The following SCAND1 variants were observed in gnomAD, a reference collection of about 807,000 sequenced individuals.
SCAND1 encodes the protein SCAN domain containing 1.
SCAND1 carries 3 observed loss-of-function variants against 3.4 expected under a neutral mutation model. The ratio of observed to expected loss-of-function variants is 0.87; its 90% CI spans 0.40 to 2.25. SCAND1 has a LOEUF of 2.25. Among genes scored for constraint, SCAND1 ranks in the 30% most tolerant of loss-of-function variants. SCAND1 has a pLI of 0.05. For synonymous variants in SCAND1, 152 were observed against 120.5 expected, an observed-to-expected ratio of 1.26 and a Z score of -1.72; for missense variants, 303 against 258.8, an observed-to-expected ratio of 1.17 and a Z score of -1.17.
At position 35,953,817 on chromosome 20, in the gene SCAND1, C is replaced by T; in HGVS notation, c.468G>A (p.Leu156=). ...QIVEMLVQEQ[L]LAILPEAARA... Reference sequence around the variant, plus strand: ...GAGCCGCCTCGGGCAGGATGGCGAGCAGCTGCTCTTGCACCAGCATCTCCA... The same window carrying T: ...GAGCCGCCTCGGGCAGGATGGCGAGTAGCTGCTCTTGCACCAGCATCTCCA... The change falls in exon 2 of 2, where the codon CTG becomes CTA. Residue 156 remains leucine, a synonymous_variant. Coordinates refer to ENST00000305978, the MANE Select transcript of SCAND1 (RefSeq NM_033630.3). 1.3e-6 allele frequency: 2 copies of T among 1,553,462 alleles called. No homozygotes were observed. The highest frequency in any genetic ancestry group is 1.7e-6 in the Non-Finnish European group (2 of 1,151,546).
chr20:35,957,585 AC>A (rs1335065676), upstream of SCAND1: 1 of 152,210 alleles, frequency 6.6e-6, no homozygotes, highest in African/African-American at 2.4e-5. Flanking sequence ...CTGAAAAAAA[AC>A]ATATAATGCC....
chr20:35,956,305 C>G (rs779485950), upstream of SCAND1, among the ~76,000 whole-genome samples: 1 of 152,116 alleles, frequency 6.6e-6, no homozygotes, highest in African/African-American at 2.4e-5. Flanking sequence ...TTTTTAGTTG[C>G]TGACATGTAA....
chr20:35,954,542 G>A (rs545354984), upstream of SCAND1: 1 of 1,504,716 alleles, frequency 6.6e-7, no homozygotes, highest in South Asian at 1.2e-5. Context: ...CCGCTTGCGG[G>A]CTCCCGGAAG....
At chr20:35,956,134 G>T (rs2056254516), upstream of SCAND1, among the ~76,000 whole-genome samples, 1 of 152,236 alleles carries the variant, frequency 6.6e-6, no homozygotes, top group Non-Finnish European at 1.5e-5. Flanking sequence ...GCCCGTGCAG[G>T]ATGGAGGAGC....
upstream of SCAND1, among the ~76,000 whole-genome samples, chr20:35,956,527 G>A (rs1480503309): frequency 6.6e-6 from 1 of 152,122 alleles, no homozygotes; most frequent in East Asian, 1.9e-4. Flanking sequence ...TGCATTTACT[G>A]TTGCTCTCAG....
At chr20:35,954,834 G>A (rs1265073770), upstream of SCAND1, 2 of 322,428 alleles carry the variant, frequency 6.2e-6, no homozygotes, top group Non-Finnish European at 1.3e-5. Flanking sequence ...GGAATGATTA[G>A]GGTGACGGCT....
intron 1 of SCAND1, 48 bp downstream of exon 1, chr20:35,954,400 C>T (rs2056223787): frequency 1.3e-6 from 2 of 1,559,020 alleles, no homozygotes; most frequent in Middle Eastern, 1.7e-4. Flanking sequence ...CTCGCGTCAC[C>T]CTTGAGGGAG....
upstream of SCAND1, among the ~76,000 whole-genome samples, chr20:35,956,081 G>A (rs1005378166): frequency 6.6e-6 from 1 of 152,254 alleles, no homozygotes; most frequent in East Asian, 1.9e-4. Flanking sequence ...AAAGGACAGG[G>A]GCCTCATATG....
chr20:35,954,567 G>T (rs2056229451), upstream of SCAND1: 1 of 1,470,550 alleles, frequency 6.8e-7, no homozygotes, highest in Non-Finnish European at 9.1e-7. Context: ...GCCCTCTAGC[G>T]TTCTCGAGTC....
upstream of SCAND1, among the ~76,000 whole-genome samples, chr20:35,957,033 AG>A (rs2056263223): frequency 6.6e-6 from 1 of 152,198 alleles, no homozygotes; most frequent in Non-Finnish European, 1.5e-5. Context: ...TTCTTGTGAA[AG>A]GGAATGAACT....
upstream of SCAND1, chr20:35,954,765 G>A (rs1600995465): frequency 2.7e-5 from 14 of 518,004 alleles, no homozygotes; most frequent in South Asian, 2.4e-4. Context: ...TGACCTTTGC[G>A]TGCGGGCGCC....
rs924415362 is a variant in SCAND1, at chr20:35,953,736, C to T, written c.*9G>A. On this transcript the variant is annotated 3_prime_UTR_variant, in exon 2 of 2. Coordinates refer to ENST00000305978, the MANE Select transcript of SCAND1 (RefSeq NM_033630.3). ...AGCGCCCGGCCCTGGCCGCCCGCAG[C>T]TCCACCGCTCAGCCAGTGATGCGCA... The T allele has an allele frequency of 2.8e-6, 4 of 1,423,146 alleles. No homozygotes were observed. In the African/African-American group the frequency reaches 4.5e-5, roughly 16 times the overall value. The allele number at this position is 1,423,146 out of a possible 1,614,324, so 88.2% of individuals were successfully genotyped here.
chr20:35,958,146 T>C (rs1841485292), upstream of SCAND1, among the ~76,000 whole-genome samples: 1 of 152,184 alleles, frequency 6.6e-6, no homozygotes, highest in Non-Finnish European at 1.5e-5. Context: ...AAAAAGCTTT[T>C]CATTGGCCAA....
upstream of SCAND1, among the ~76,000 whole-genome samples, chr20:35,955,909 T>C (rs1466732716): frequency 2.6e-5 from 4 of 152,180 alleles, no homozygotes; most frequent in Admixed American, 1.3e-4. Flanking sequence ...TTGGTACAGA[T>C]GGAGTTTCAC....
chr20:35,958,220 C>T (rs907883956), upstream of SCAND1, among the ~76,000 whole-genome samples: 1 of 152,172 alleles, frequency 6.6e-6, no homozygotes, highest in Admixed American at 6.6e-5. Context: ...ATCACGAGTT[C>T]AGGAGTTTGA....
chr20:35,954,123 G>A lies in SCAND1; in HGVS notation c.162C>T (p.Asn54=), dbSNP rs553959427. Residue 54 remains asparagine (N), a synonymous_variant, in exon 2 of 2, where the codon AAC becomes AAT. Transcript: ENST00000305978. ...TAGGGATGGCTTCAGGGACCGCGGC[G>A]TTGGGACTGGAAGGCTCAGGGGCAG... ...SPPAPEPSSP[N]AAVPEAIPTP... is the part of the protein sequence containing the mutation. 8.1e-5 allele frequency: 125 copies of A among 1,552,530 alleles called. No individual in the cohort carries two copies. In the South Asian group the frequency reaches 8.9e-4, roughly 11 times the overall value.
chr20:35,953,769 G>T lies in SCAND1; in HGVS notation c.516C>A (p.Arg172=). ...CTCAGCCAGTGATGCGCACATCCGTGCGGCGGCGGATCCGCCGGGCCCGAG... is the reference window on the plus strand; with the variant it reads ...CTCAGCCAGTGATGCGCACATCCGTTCGGCGGCGGATCCGCCGGGCCCGAG... ...EAARARRIRR[R]TDVRITG Residue 172 remains arginine, a synonymous_variant, in exon 2 of 2, where the codon CGC becomes CGA. Transcript: ENST00000305978. 1 of 1,483,124 alleles carries T rather than the reference G, an allele frequency of 6.7e-7. No homozygotes were observed. 91.9% of individuals were successfully genotyped at this position (1,483,124 alleles called of 1,614,324 possible). A position where few individuals can be genotyped will look rare whatever the true frequency, so the allele number is the denominator to read the frequency against.
In SCAND1 at chr20:35,953,787, G is replaced by T. The variant is rs746550654; in HGVS notation, c.498C>A (p.Ala166=). The T allele has an allele frequency of 2.7e-6, 4 of 1,508,442 alleles. No individual in the cohort carries two copies. Among genetic ancestry groups the T allele is most frequent in the Non-Finnish European group, 2.7e-6 (3 of 1,130,786 alleles). The allele number at this position is 1,508,442 out of a possible 1,614,324, so 93.4% of individuals were successfully genotyped here. ...LLAILPEAAR[A]RRIRRRTDVR... ...CATCCGTGCGGCGGCGGATCCGCCG[G>T]GCCCGAGCCGCCTCGGGCAGGATGG... The change falls in exon 2 of 2, where the codon GCC becomes GCA. Residue 166 remains alanine, a synonymous_variant. Coordinates refer to ENST00000305978, the MANE Select transcript of SCAND1 (RefSeq NM_033630.3).
upstream of SCAND1, among the ~76,000 whole-genome samples, chr20:35,956,016 G>A (rs778253353): frequency 9.2e-5 from 14 of 152,116 alleles, no homozygotes; most frequent in Non-Finnish European, 2.1e-4. Context: ...CCACCGTGCC[G>A]GGCCACAAAT....
Sources: gnomAD v4.1 joint callset for allele counts (sites outside exome capture counted in the v4.1 genomes callset) on GRCh38, gnomAD v4.1.1 for gene constraint, MANE v1.5 for transcripts, NCBI Gene and HGNC (gene_info 2026-07-23, HGNC 2026-07-21) for gene names.